Variants in JAM2 observed in about 807,000 individuals in gnomAD.
JAM2 encodes the protein junctional adhesion molecule 2.
A neutral mutation model predicts 42.0 loss-of-function variants in JAM2; 17 were observed. That is an observed-to-expected ratio of 0.40 (90% CI 0.28 to 0.61). The LOEUF (loss-of-function observed/expected upper bound fraction) is 0.61. Among genes scored for constraint, JAM2 ranks in the 20% least tolerant of loss-of-function variants. JAM2 has a pLI of 0.37. For synonymous variants in JAM2, 118 were observed against 128.6 expected (o/e 0.92, Z 0.56); for missense variants, 319 against 358.3 (o/e 0.89, Z 0.89).
intron 1 of JAM2, among the ~76,000 whole-genome samples, chr21:25,653,375 G>T (rs2032835585): frequency 6.6e-6 from 1 of 152,212 alleles, no homozygotes; most frequent in African/African-American, 2.4e-5. Context: ...AATTTAAGAT[G>T]AGCCTGGGAC....
At chr21:25,684,839 C>T (rs182244123) in intron 2 of JAM2, among the ~76,000 whole-genome samples, 108 of 152,314 alleles carry the variant, frequency 7.1e-4, no homozygotes, top group African/African-American at 2.5e-3. Context: ...CTCAAGCAGT[C>T]TGCCCACCTT....
At chr21:25,661,361 G>T (rs1264392759) in intron 1 of JAM2, among the ~76,000 whole-genome samples, 1 of 152,050 alleles carries the variant, frequency 6.6e-6, no homozygotes, top group Non-Finnish European at 1.5e-5. Context: ...TACTTGGAAG[G>T]CTGAAGCAGG....
At chr21:25,675,425 AG>A (rs1484866923) in intron 1 of JAM2, among the ~76,000 whole-genome samples, 1 of 151,944 alleles carries the variant, frequency 6.6e-6, no homozygotes, top group East Asian at 1.9e-4. Flanking sequence ...GAGCCCGGGA[AG>A]CAGAGGTTGC....
At chr21:25,709,541 T>G in intron 8 of JAM2, 92 bp downstream of exon 8, 1 of 826,870 alleles carries the variant, frequency 1.2e-6, no homozygotes. Context: ...AGAAGTTGGG[T>G]TATTTGTGTA....
At chr21:25,669,174 A>G (rs532495277) in intron 1 of JAM2, among the ~76,000 whole-genome samples, 36 of 152,172 alleles carry the variant, frequency 2.4e-4, no homozygotes, top group Non-Finnish European at 4.4e-4. Flanking sequence ...CAAGTTTGAG[A>G]CCAGCTTGGG....
At chr21:25,683,196 T>A (rs866823378) in intron 1 of JAM2, among the ~76,000 whole-genome samples, 1 of 152,202 alleles carries the variant, frequency 6.6e-6, no homozygotes, top group Middle Eastern at 3.4e-3. Context: ...CCTTTTTAAA[T>A]GAAAATTTCT....
Position 25,696,676 on chromosome 21 carries a change from C to T in JAM2, c.395-2001C>T, listed in dbSNP as rs2034043553. ...AGGCTGAGTTCTCATCCACAGGCTA[C>T]GAGGAAAATCTGTTTCCAGGCTCAT... is the stretch of plus-strand genomic sequence containing the variant. On this transcript the variant is annotated intron_variant, in intron 4 of 9. Coordinates refer to ENST00000480456, the MANE Select transcript of JAM2 (RefSeq NM_021219.4). 3.9e-5 allele frequency among the ~76,000 whole-genome samples: 6 copies of T among 152,096 alleles called. No individual in the cohort carries two copies. The South Asian group carries it at 8.4e-4, about 21-fold the overall frequency.
chr21:25,694,913 C>T (rs1395722774), intron 4 of JAM2, among the ~76,000 whole-genome samples: 2 of 150,492 alleles, frequency 1.3e-5, no homozygotes, highest in African/African-American at 4.9e-5. Flanking sequence ...GATCTCTTCT[C>T]TTTCATTGGT....
intron 2 of JAM2, among the ~76,000 whole-genome samples, chr21:25,685,884 T>G (rs905349571): frequency 2.6e-5 from 4 of 152,366 alleles, no homozygotes; most frequent in Non-Finnish European, 4.4e-5. Context: ...CTTCTCACTT[T>G]CTTGGAGGTT....
chr21:25,700,940 G>A (rs2034152830), intron 5 of JAM2, among the ~76,000 whole-genome samples: 1 of 152,168 alleles, frequency 6.6e-6, no homozygotes, highest in Admixed American at 6.5e-5. Flanking sequence ...TTTTCTCAGG[G>A]CAGTTGGTAA....
intron 8 of JAM2, chr21:25,711,555 G>A (rs2034384253): frequency 2.7e-6 from 1 of 372,290 alleles, no homozygotes; most frequent in African/African-American, 2.1e-5. Context: ...GCTCAATCCT[G>A]GTCTCTCAGT....
At chr21:25,649,589 A>G (rs1463184027) in intron 1 of JAM2, among the ~76,000 whole-genome samples, 1 of 152,208 alleles carries the variant, frequency 6.6e-6, no homozygotes. Context: ...AAACCGTATT[A>G]GCATGTTAGT....
intron 5 of JAM2, among the ~76,000 whole-genome samples, chr21:25,699,580 G>A (rs879592383): frequency 1.4e-4 from 21 of 152,036 alleles, no homozygotes; most frequent in Non-Finnish European, 2.1e-4. Context: ...AGACTTAGCC[G>A]GGCGTGGTGG....
intron 1 of JAM2, chr21:25,643,360 T>TGGAA (rs2032502294): frequency 6.6e-6 from 1 of 152,166 alleles, no homozygotes. Context: ...CATGAATCAG[T>TGGAA]TCCTGATTCC....
At chr21:25,664,948 G>A (rs867274822) in intron 1 of JAM2, among the ~76,000 whole-genome samples, 51 of 152,232 alleles carry the variant, frequency 3.4e-4, no homozygotes, top group African/African-American at 1.1e-3. Context: ...TGCAGGAAAA[G>A]AACGTGAAAG....
intron 1 of JAM2, among the ~76,000 whole-genome samples, chr21:25,652,365 G>A (rs1488417767): frequency 1.3e-5 from 2 of 152,080 alleles, no homozygotes; most frequent in African/African-American, 4.8e-5. Flanking sequence ...GCACTCTAGC[G>A]TGGGTGACAG....
intron 6 of JAM2, among the ~76,000 whole-genome samples, chr21:25,702,476 T>G (rs2034187430): frequency 6.6e-6 from 1 of 152,242 alleles, no homozygotes. Context: ...CCAAAAATAC[T>G]TAGTATTGTA....
intron 8 of JAM2, among the ~76,000 whole-genome samples, chr21:25,710,533 GA>G (rs1447400488): frequency 1.3e-5 from 2 of 152,204 alleles, no homozygotes; most frequent in African/African-American, 4.8e-5. Flanking sequence ...AGAAAGGCCT[GA>G]AGAGGGTGAG....
intron 1 of JAM2, among the ~76,000 whole-genome samples, chr21:25,650,465 T>C (rs1040926573): frequency 7.9e-5 from 12 of 152,202 alleles, no homozygotes; most frequent in Non-Finnish European, 1.8e-4. Flanking sequence ...CTCAGCTCCA[T>C]TGTGCTACTG....
Sources: allele counts gnomAD v4.1 joint callset (sites outside exome capture counted in the v4.1 genomes callset), GRCh38; gene constraint gnomAD v4.1.1; transcripts MANE v1.5; gene names NCBI Gene and HGNC (gene_info 2026-07-23, HGNC 2026-07-21).